Variants in FAM171A2 observed in about 807,000 individuals in gnomAD.
The protein encoded by FAM171A2 is family with sequence similarity 171 member A2, also known as protein FAM171A2.
Under a neutral mutation model 34.2 loss-of-function variants are expected in FAM171A2, and 13 were observed. That is an observed-to-expected ratio of 0.38 (90% confidence interval 0.25 to 0.60). The LOEUF (loss-of-function observed/expected upper bound fraction) is 0.60, where lower values mean the gene tolerates loss of function less well. FAM171A2 is among the 20% of genes least tolerant of loss of function. The pLI is 0.62. For missense variants in FAM171A2, 950 were observed against 1,180.7 expected, an observed-to-expected ratio of 0.80 and a Z score of 2.86; for synonymous variants, 475 against 561.2, an observed-to-expected ratio of 0.85 and a Z score of 2.17.
chr17:44,357,283 G>T (rs1375641214), intron 3 of FAM171A2, among the ~76,000 whole-genome samples: 1 of 150,264 alleles, frequency 6.7e-6, no homozygotes, highest in African/African-American at 2.5e-5. Context: ...GGAGGGGGAG[G>T]TTGCGGTGAG....
At position 44,356,441 on chromosome 17, in the gene FAM171A2, G is replaced by A. The variant is rs781195318; in HGVS notation, c.587C>T (p.Ala196Val). Reference sequence around the variant, plus strand: ...GGCACCCAGCCTACCTGAGCTGGAGGCCTCAGTGCCCAGGAAGGCAGGGAA... The same window carrying A: ...GGCACCCAGCCTACCTGAGCTGGAGACCTCAGTGCCCAGGAAGGCAGGGAA... ...RAFPAFLGTE[A>V]SSSGNGSWLE... is the part of the protein sequence containing the mutation. The change falls in exon 4 of 8, where the codon GCC becomes GTC. Residue 196 changes from alanine (A) to valine (V), a missense_variant. By Grantham distance (64) the Ala-to-Val change is moderately conservative. Transcript: ENST00000293443. 13 of 1,551,028 alleles carry A rather than the reference G, an allele frequency of 8.4e-6. No individual in the cohort carries two copies. The highest frequency in any genetic ancestry group is 1.1e-5 in the Non-Finnish European group (13 of 1,146,908).
At position 44,355,801 on chromosome 17, in the gene FAM171A2, G is replaced by C. The variant is rs749558053; in HGVS notation, c.936C>G (p.Thr312=). Residue 312 remains threonine, a synonymous_variant, in exon 7 of 8, where the codon ACC becomes ACG. Transcript: ENST00000293443. The surrounding 1 kb of genome is among the most constrained non-coding windows in gnomAD (Gnocchi z 4.1). ...TGGTGAGCAAGAAGATGGTGTGGTA[G>C]GTGCCGATGTCCTGGATGCCCGACG... is the stretch of plus-strand genomic sequence containing the variant. ...TITSGIQDIG[T]YHTIFLLTIL... is the part of the protein sequence containing the mutation. The C allele has an allele frequency of 6.4e-7, 1 of 1,551,800 alleles. No homozygotes were observed. Among genetic ancestry groups the C allele is most frequent in the South Asian group, 1.2e-5 (1 of 84,068 alleles).
chr17:44,354,024 C>G lies in FAM171A2; in HGVS notation c.2190G>C (p.Thr730=). 8.5e-7 allele frequency: 1 copy of G among 1,179,770 alleles called. No homozygotes were observed. Among genetic ancestry groups the G allele is most frequent in the Middle Eastern group, 3.4e-4 (1 of 2,922 alleles). The allele number at this position is 1,179,770 out of a possible 1,614,324, so 73.1% of individuals were successfully genotyped here. A position where few individuals can be genotyped will look rare whatever the true frequency, so the allele number is the denominator to read the frequency against. ...APPRLALSED[T]EPSSSESRTG... ...TGCGGCTCTCGCTGCTGCTGGGCTCCGTGTCCTCGCTGAGCGCCAGGCGCG... is the reference window on the plus strand; with the variant it reads ...TGCGGCTCTCGCTGCTGCTGGGCTCGGTGTCCTCGCTGAGCGCCAGGCGCG... The change falls in exon 8 of 8, where the codon ACG becomes ACC. Residue 730 remains threonine (T), a synonymous_variant. Transcript: ENST00000293443. The surrounding 1 kb of genome is among the most constrained non-coding windows in gnomAD (Gnocchi z 5.8).
chr17:44,353,940 C>G lies in FAM171A2; in HGVS notation c.2274G>C (p.Ala758=), dbSNP rs1296209988. ...GTACCGTGGCCGCCCGGCCCTCGGG[C>G]GCCGCCACCTCGTCCAGCAGCGGCG... The part of the protein sequence containing the change: ...SLTPLLDEVA[A]PEGRAATVPR... Residue 758 remains alanine (A), a synonymous_variant, in exon 8 of 8, where the codon GCG becomes GCC. Coordinates refer to ENST00000293443, the MANE Select transcript of FAM171A2 (RefSeq NM_198475.3). 2 of 1,295,776 alleles carry G rather than the reference C, an allele frequency of 1.5e-6. No individual in the cohort carries two copies. Among genetic ancestry groups the G allele is most frequent in the Non-Finnish European group, 1.9e-6 (2 of 1,027,030 alleles). 80.3% of individuals were successfully genotyped at this position (1,295,776 alleles called of 1,614,324 possible).
Position 44,355,246 on chromosome 17 carries a change from G to A in FAM171A2, c.1023-55C>T. 6.5e-7 allele frequency: 1 copy of A among 1,535,420 alleles called. No individual in the cohort carries two copies. The highest frequency in any genetic ancestry group is 8.8e-7 in the Non-Finnish European group (1 of 1,142,014). On this transcript the variant is annotated intron_variant, in intron 7 of 7. Coordinates refer to ENST00000293443, the MANE Select transcript of FAM171A2 (RefSeq NM_198475.3). The surrounding 1 kb of genome is among the most constrained non-coding windows in gnomAD (Gnocchi z 4.1). ...CAGGAAAGGGTGAGGGCCAAAGTAGGCCCCGAACCCCCTTAGATGCAAGAC... is the reference window on the plus strand; with the variant it reads ...CAGGAAAGGGTGAGGGCCAAAGTAGACCCCGAACCCCCTTAGATGCAAGAC...
Position 44,354,017 on chromosome 17 carries a change from T to G in FAM171A2, c.2197A>C (p.Ser733Arg). 8.4e-7 allele frequency: 1 copy of G among 1,186,490 alleles called. No individual in the cohort carries two copies. Among genetic ancestry groups the G allele is most frequent in the East Asian group, 3.7e-5 (1 of 27,370 alleles). 73.5% of individuals were successfully genotyped at this position (1,186,490 alleles called of 1,614,324 possible). A position where few individuals can be genotyped will look rare whatever the true frequency, so the allele number is the denominator to read the frequency against. Residue 733 changes from serine to arginine, a missense_variant, in exon 8 of 8, where the codon AGC becomes CGC. Ser to Arg is a moderately radical substitution (Grantham distance 110, BLOSUM62 -1). This residue lies in a region of FAM171A2 where 191 missense variants were observed against 222.8 expected (regional missense o/e 0.86). Transcript: ENST00000293443. The surrounding 1 kb of genome is among the most constrained non-coding windows in gnomAD (Gnocchi z 5.8). ...RLALSEDTEP[S>R]SSESRTGLCS... is the part of the protein sequence containing the mutation. ...AGGCCCGTGCGGCTCTCGCTGCTGC[T>G]GGGCTCCGTGTCCTCGCTGAGCGCC...
Position 44,354,955 on chromosome 17 carries a change from G to T in FAM171A2, c.1259C>A (p.Pro420Gln), listed in dbSNP as rs1385528635. 6.9e-7 allele frequency: 1 copy of T among 1,448,866 alleles called. No individual in the cohort carries two copies. Among genetic ancestry groups the T allele is most frequent in the Non-Finnish European group, 9.1e-7 (1 of 1,102,882 alleles). The allele number at this position is 1,448,866 out of a possible 1,614,324, so 89.8% of individuals were successfully genotyped here. Residue 420 changes from proline (P) to glutamine (Q), a missense_variant, in exon 8 of 8, where the codon CCG becomes CAG. Physicochemically the swap from Pro to Gln is moderately conservative, Grantham distance 76. Around this residue, in one of 3 missense-constraint regions of FAM171A2, gnomAD observed 752 missense variants for 924.5 expected, o/e 0.81. Transcript: ENST00000293443. This position sits in a 1 kb window ranked among gnomAD's most constrained non-coding sequence, Gnocchi z 5.8. ...SSRDDFFRTK[P>Q]RSASRPAAEP... ...GGCGGCCGGGCGGCTGGCAGAGCGC[G>T]GCTTGGTGCGGAAGAAGTCATCCCG...
chr17:44,355,994 C>T lies in FAM171A2; in HGVS notation c.859G>A (p.Gly287Arg). ...GAGGCCATGGCGGCCACCCAGTACC[C>T]CAGCTGGGGGGAGACGAAGGTCCAG... The part of the protein sequence containing the change: ...LYWTFVSPQL[G>R]YWVAAMASPT... Residue 287 changes from glycine (G) to arginine (R), a missense_variant, in exon 6 of 8, where the codon GGG becomes AGG. By Grantham distance (125) the Gly-to-Arg change is moderately radical. Transcript: ENST00000293443. The surrounding 1 kb of genome is among the most constrained non-coding windows in gnomAD (Gnocchi z 4.1). 1 of 1,547,188 alleles carries T rather than the reference C, an allele frequency of 6.5e-7. No individual in the cohort carries two copies. Among genetic ancestry groups the T allele is most frequent in the Non-Finnish European group, 8.7e-7 (1 of 1,144,646 alleles).
intron 1 of FAM171A2, among the ~76,000 whole-genome samples, chr17:44,363,104 C>T (rs1309567948): frequency 1.3e-5 from 2 of 152,118 alleles, no homozygotes; most frequent in Non-Finnish European, 2.9e-5. Context: ...GCCTCACCCA[C>T]TCCCCCTTCT....
intron 1 of FAM171A2, among the ~76,000 whole-genome samples, chr17:44,362,699 C>T (rs1446727707): frequency 6.6e-6 from 1 of 152,200 alleles, no homozygotes; most frequent in Non-Finnish European, 1.5e-5. Flanking sequence ...CCACCCCCAC[C>T]TCACACACCC....
At position 44,354,242 on chromosome 17, in the gene FAM171A2, G is replaced by T; in HGVS notation, c.1972C>A (p.Leu658Ile). 6.9e-7 allele frequency: 1 copy of T among 1,455,892 alleles called. No homozygotes were observed. Among genetic ancestry groups the T allele is most frequent in the Non-Finnish European group, 9.1e-7 (1 of 1,096,224 alleles). 90.2% of individuals were successfully genotyped at this position (1,455,892 alleles called of 1,614,324 possible). The change falls in exon 8 of 8, where the codon CTC becomes ATC. Residue 658 changes from leucine to isoleucine, a missense_variant. Physicochemically the swap from Leu to Ile is conservative, Grantham distance 5. This residue lies in a region of FAM171A2 where 752 missense variants were observed against 924.5 expected (regional missense o/e 0.81). Transcript: ENST00000293443. The surrounding 1 kb of genome is among the most constrained non-coding windows in gnomAD (Gnocchi z 5.8). ...KPHPRAWFVS[L>I]DGRSNSQVRH... Reference sequence around the variant, plus strand: ...ACTTGCGAGTTGGAGCGCCCGTCGAGGGACACGAACCAGGCGCGCGGGTGC... The same window carrying T: ...ACTTGCGAGTTGGAGCGCCCGTCGATGGACACGAACCAGGCGCGCGGGTGC...
intron 1 of FAM171A2, 83 bp from the exon 2 acceptor site, chr17:44,360,215 G>T: frequency 8.3e-7 from 1 of 1,209,874 alleles, no homozygotes; most frequent in Non-Finnish European, 1.2e-6. Context: ...AGAGGAAGGA[G>T]CTGTGTTTGA....
At chr17:44,359,760 A>C (rs1598370133) in intron 2 of FAM171A2, 89 bp from the exon 3 acceptor site, 1 of 1,142,404 alleles carries the variant, frequency 8.8e-7, no homozygotes. Context: ...CAGAGGCTTC[A>C]CCCTCCCTCA....
At chr17:44,360,197 C>G in intron 1 of FAM171A2, 65 bp from the exon 2 acceptor site, 2 of 1,355,038 alleles carry the variant, frequency 1.5e-6, no homozygotes, top group Non-Finnish European at 2.0e-6. Flanking sequence ...GGGGGGAGCC[C>G]CAAGATCAGA....
At position 44,355,980 on chromosome 17, in the gene FAM171A2, G is replaced by A. The variant is rs1261375329; in HGVS notation, c.873C>T (p.Ala291=). The A allele has an allele frequency of 4.5e-6, 7 of 1,543,984 alleles. No individual in the cohort carries two copies. The highest frequency in any genetic ancestry group is 3.6e-5 in the South Asian group (3 of 82,980). ...TACCAGCCGTGGGGGAGGCCATGGC[G>A]GCCACCCAGTACCCCAGCTGGGGGG... ...FVSPQLGYWV[A]AMASPTAGLV... is the part of the protein sequence containing the mutation. The change falls in exon 6 of 8, where the codon GCC becomes GCT. Residue 291 remains alanine, a synonymous_variant. Coordinates refer to ENST00000293443, the MANE Select transcript of FAM171A2 (RefSeq NM_198475.3). The surrounding 1 kb of genome is among the most constrained non-coding windows in gnomAD (Gnocchi z 4.1).
chr17:44,354,664 C>G lies in FAM171A2; in HGVS notation c.1550G>C (p.Gly517Ala), dbSNP rs1356799999. Residue 517 changes from glycine (G) to alanine (A), a missense_variant, in exon 8 of 8, where the codon GGG (glycine) becomes GCG (alanine). Around this residue, in one of 3 missense-constraint regions of FAM171A2, gnomAD observed 752 missense variants for 924.5 expected, o/e 0.81. Coordinates refer to ENST00000293443, the MANE Select transcript of FAM171A2 (RefSeq NM_198475.3). The surrounding 1 kb of genome is among the most constrained non-coding windows in gnomAD (Gnocchi z 5.8). ...GATGGAGCCGCAGAAGATGAGCTGC[C>G]CCGCCTGGCCCAGCGACGGCGGCCG... is the stretch of plus-strand genomic sequence containing the variant. ...LARPPSLGQA[G>A]QLIFCGSIDH... The G allele has an allele frequency of 7.6e-7, 1 of 1,318,492 alleles. No individual in the cohort carries two copies. The highest frequency in any genetic ancestry group is 1.5e-5 in the African/African-American group (1 of 64,974). 81.7% of individuals were successfully genotyped at this position (1,318,492 alleles called of 1,614,324 possible).
chr17:44,354,690 C>A lies in FAM171A2; in HGVS notation c.1524G>T (p.Ala508=), dbSNP rs1349497487. ...FLLSQSVDQL[A]RPPSLGQAGQ... ...CCGCCTGGCCCAGCGACGGCGGCCG[C>A]GCCAGCTGGTCCACCGACTGCGACA... Residue 508 remains alanine (A), a synonymous_variant, in exon 8 of 8, where the codon GCG becomes GCT. Coordinates refer to ENST00000293443, the MANE Select transcript of FAM171A2 (RefSeq NM_198475.3). The surrounding 1 kb of genome is among the most constrained non-coding windows in gnomAD (Gnocchi z 5.8). 3.7e-6 allele frequency: 5 copies of A among 1,334,056 alleles called. No homozygotes were observed. The African/African-American group carries it at 4.6e-5, about 12-fold the overall frequency. 82.6% of individuals were successfully genotyped at this position (1,334,056 alleles called of 1,614,324 possible). A position where few individuals can be genotyped will look rare whatever the true frequency, so the allele number is the denominator to read the frequency against.
At chr17:44,357,758 T>TGTGTGTGTGTGTGTGTGTGTGTGG (rs61464829) in intron 3 of FAM171A2, among the ~76,000 whole-genome samples, 3 of 148,994 alleles carry the variant, frequency 2.0e-5, no homozygotes, top group South Asian at 2.1e-4. Flanking sequence ...TGTGTGTGTG[T>TGTGTGTGTGTGTGTGTGTGTGTGG]TGGGGTGGAG....
At position 44,355,798 on chromosome 17, in the gene FAM171A2, G is replaced by A; in HGVS notation, c.939C>T (p.Tyr313=). The A allele has an allele frequency of 6.4e-7, 1 of 1,551,810 alleles. No individual in the cohort carries two copies. The highest frequency in any genetic ancestry group is 1.2e-5 in the South Asian group (1 of 84,066). Residue 313 remains tyrosine, a synonymous_variant, in exon 7 of 8, where the codon TAC becomes TAT. Transcript: ENST00000293443. This position sits in a 1 kb window ranked among gnomAD's most constrained non-coding sequence, Gnocchi z 4.1. ...GGATGGTGAGCAAGAAGATGGTGTG[G>A]TAGGTGCCGATGTCCTGGATGCCCG... The part of the protein sequence containing the change: ...ITSGIQDIGT[Y]HTIFLLTILA...
Sources: allele counts gnomAD v4.1 joint callset (sites outside exome capture counted in the v4.1 genomes callset), GRCh38; gene constraint gnomAD v4.1.1; regional missense constraint gnomAD v4.1.1; non-coding constraint Gnocchi (gnomAD v3.1); transcripts MANE v1.5; gene names NCBI Gene and HGNC (gene_info 2026-07-23, HGNC 2026-07-21).